Variants in LHPP observed in about 807,000 individuals in gnomAD.
The protein encoded by LHPP is hLHPP.
LHPP carries 24 observed loss-of-function variants against 30.3 expected under a neutral mutation model. The observed-to-expected ratio is 0.79, with a 90% CI of 0.57 to 1.11. LHPP has a LOEUF of 1.11. Among genes scored for constraint, LHPP ranks in the 50% most tolerant of loss-of-function variants. The pLI is 0.00. For synonymous variants in LHPP, 150 were observed against 157.1 expected (o/e 0.95, Z 0.34); for missense variants, 356 against 367.2 (o/e 0.97, Z 0.25).
chr10:124,602,681 C>T (rs1231552163), intron 6 of LHPP, among the ~76,000 whole-genome samples: 5 of 152,162 alleles, frequency 3.3e-5, no homozygotes, highest in East Asian at 1.9e-4. Context: ...GGGCCCTGGG[C>T]ACCACCCACT....
At chr10:124,562,343 C>T (rs1948409605) in intron 6 of LHPP, among the ~76,000 whole-genome samples, 1 of 151,746 alleles carries the variant, frequency 6.6e-6, no homozygotes, top group Non-Finnish European at 1.5e-5. Flanking sequence ...ATAGAAGATA[C>T]AATGAAGAGC....
Position 124,510,093 on chromosome 10 carries a change from G to A in LHPP, c.625-7087G>A, listed in dbSNP as rs762377661. 3.9e-5 allele frequency among the ~76,000 whole-genome samples: 6 copies of A among 152,090 alleles called. No individual in the cohort carries two copies. Among genetic ancestry groups the A allele is most frequent in the East Asian group, 1.9e-4 (1 of 5,162 alleles). Reference sequence around the variant, plus strand: ...CTGGATCCTGGGTTCTGGGGGGTCCGACCTTTCATTTTTTTCTCCGCCTCA... The same window carrying A: ...CTGGATCCTGGGTTCTGGGGGGTCCAACCTTTCATTTTTTTCTCCGCCTCA... On this transcript the variant is annotated intron_variant, in intron 5 of 6. Coordinates refer to ENST00000368842, the MANE Select transcript of LHPP (RefSeq NM_022126.4). This position sits in a 1 kb window ranked among gnomAD's most constrained non-coding sequence, Gnocchi z 4.0.
intron 6 of LHPP, among the ~76,000 whole-genome samples, chr10:124,519,240 G>C (rs576178044): frequency 2.6e-5 from 4 of 152,160 alleles, no homozygotes; most frequent in Admixed American, 6.5e-5. Context: ...GAGCCACCGC[G>C]CCCGGCCCCA....
At chr10:124,549,688 C>G (rs978213861) in intron 6 of LHPP, among the ~76,000 whole-genome samples, 1 of 152,200 alleles carries the variant, frequency 6.6e-6, no homozygotes, top group Non-Finnish European at 1.5e-5. Flanking sequence ...AGGACGGGAC[C>G]TTACATCTGG....
At chr10:124,497,905 C>A in intron 4 of LHPP, 131 bp from the exon 5 acceptor site, 1 of 727,654 alleles carries the variant, frequency 1.4e-6, no homozygotes, top group Non-Finnish European at 2.4e-6. Flanking sequence ...GATGAGTTCT[C>A]AGGCCCACAG....
In LHPP at chr10:124,484,132, G is replaced by A. The variant is rs1216983256; in HGVS notation, c.126-7G>A. ...GACTTCCCGGGCCTGTGTCTCCCCT[G>A]CCGCAGACTGAAGCGTTCCCGGCTG... On this transcript the variant is annotated splice_polypyrimidine_tract_variant and splice_region_variant and intron_variant, in intron 1 of 6. Coordinates refer to ENST00000368842, the MANE Select transcript of LHPP (RefSeq NM_022126.4). 1 of 1,613,218 alleles carries A rather than the reference G, an allele frequency of 6.2e-7. No homozygotes were observed. The highest frequency in any genetic ancestry group is 1.1e-5 in the South Asian group (1 of 90,982).
intron 6 of LHPP, among the ~76,000 whole-genome samples, chr10:124,585,615 T>TA (rs75542990): frequency 8.5e-4 from 116 of 136,662 alleles, no homozygotes; most frequent in East Asian, 1.7e-3. Context: ...ACTCTATCTC[T>TA]AAAAAAAAAA....
intron 4 of LHPP, 68 bp from the exon 5 acceptor site, chr10:124,497,968 T>C: frequency 7.9e-7 from 1 of 1,269,908 alleles, no homozygotes; most frequent in South Asian, 1.2e-5. Context: ...GGGACAGTGT[T>C]TCCGTGGCTG....
intron 1 of LHPP, among the ~76,000 whole-genome samples, chr10:124,467,925 G>T (rs1430122026): frequency 6.6e-6 from 1 of 152,096 alleles, no homozygotes; most frequent in African/African-American, 2.4e-5. Context: ...GACCAGGCTG[G>T]TCTCAAACTC....
At chr10:124,549,922 T>C (rs1262948075) in intron 6 of LHPP, among the ~76,000 whole-genome samples, 2 of 152,224 alleles carry the variant, frequency 1.3e-5, no homozygotes, top group Admixed American at 6.5e-5. Context: ...TAAAATGAAG[T>C]CGTGTCTGTG....
chr10:124,543,272 A>G (rs1343754932), intron 6 of LHPP, among the ~76,000 whole-genome samples: 5 of 152,250 alleles, frequency 3.3e-5, no homozygotes, highest in Non-Finnish European at 2.9e-5. Context: ...CCAGAGGGAC[A>G]GGAGTTTGTG....
In LHPP at chr10:124,538,077, C is replaced by CT. The variant is rs573505429; in HGVS notation, c.716+20807dup. On this transcript the variant is annotated intron_variant, in intron 6 of 6. Transcript: ENST00000368842. ...CCACCCACCTGCTGGGTCCTCCCACCTGCGGGGCCCGCCATGCGGGGTCAC... is the reference window on the plus strand; with the variant it reads ...CCACCCACCTGCTGGGTCCTCCCACCTTGCGGGGCCCGCCATGCGGGGTCAC... Among the ~76,000 whole-genome samples the CT allele has an allele frequency of 4.0e-3, 613 of 152,324 alleles. 5 individuals are homozygous for CT. Among genetic ancestry groups the CT allele is most frequent in the Non-Finnish European group, 3.5e-3 (236 of 68,020 alleles).
intron 6 of LHPP, among the ~76,000 whole-genome samples, chr10:124,521,735 C>T (rs1456993313): frequency 6.6e-6 from 1 of 152,200 alleles, no homozygotes; most frequent in African/African-American, 2.4e-5. Context: ...GCGGTCAGTC[C>T]TGCCAGTCAC....
At chr10:124,520,024 G>A (rs1442353172) in intron 6 of LHPP, among the ~76,000 whole-genome samples, 4 of 151,808 alleles carry the variant, frequency 2.6e-5, no homozygotes, top group South Asian at 2.1e-4. Context: ...TAGTAGAGAC[G>A]GCGTTTCACC....
chr10:124,554,900 G>A (rs906764424), intron 6 of LHPP, among the ~76,000 whole-genome samples: 10 of 152,194 alleles, frequency 6.6e-5, no homozygotes, highest in African/African-American at 1.9e-4. Flanking sequence ...TCATAATTGC[G>A]GCTGTCATTT....
At chr10:124,518,546 G>A (rs1205292967) in intron 6 of LHPP, among the ~76,000 whole-genome samples, 1 of 152,262 alleles carries the variant, frequency 6.6e-6, no homozygotes, top group African/African-American at 2.4e-5. Flanking sequence ...GCGTCTCAGG[G>A]CACACCTGTG....
At chr10:124,532,326 C>T (rs534088315) in intron 6 of LHPP, among the ~76,000 whole-genome samples, 1 of 152,330 alleles carries the variant, frequency 6.6e-6, no homozygotes, top group East Asian at 1.9e-4. Flanking sequence ...CTGCTCAGGC[C>T]CTGGCGGTGG....
intron 1 of LHPP, 104 bp from the exon 2 acceptor site, chr10:124,484,035 C>T (rs1953233354): frequency 9.0e-7 from 1 of 1,110,094 alleles, no homozygotes; most frequent in East Asian, 2.6e-5. Context: ...GCCTAGTCTG[C>T]TCTGGGCTTT....
intron 6 of LHPP, among the ~76,000 whole-genome samples, chr10:124,545,675 C>T (rs1159541286): frequency 6.6e-6 from 1 of 152,092 alleles, no homozygotes; most frequent in Non-Finnish European, 1.5e-5. Flanking sequence ...AGTGTTAGTG[C>T]GAATGTGAGT....
Sources: allele counts gnomAD v4.1 joint callset (sites outside exome capture counted in the v4.1 genomes callset), GRCh38; gene constraint gnomAD v4.1.1; non-coding constraint Gnocchi (gnomAD v3.1); transcripts MANE v1.5; gene names NCBI Gene and HGNC (gene_info 2026-07-23, HGNC 2026-07-21).